Variants in HMGB1 observed in about 807,000 individuals in gnomAD.
HMGB1 encodes the protein high mobility group box 1.
For synonymous variants in HMGB1, 81 were observed against 84.0 expected, an observed-to-expected ratio of 0.96 and a Z score of 0.19; for missense variants, 79 against 253.5, an observed-to-expected ratio of 0.31 and a Z score of 4.67.
chr13:30,519,448 C>G (rs1238618297), intron 1 of HMGB1, among the ~76,000 whole-genome samples: 1 of 151,074 alleles, frequency 6.6e-6, no homozygotes, highest in East Asian at 2.0e-4. Context: ...GTAATCCCAG[C>G]ACTTTGGGAG....
intron 1 of HMGB1, among the ~76,000 whole-genome samples, chr13:30,567,536 G>A (rs1490879814): frequency 6.6e-6 from 1 of 151,994 alleles, no homozygotes; most frequent in Non-Finnish European, 1.5e-5. Flanking sequence ...ACTTTTAGTA[G>A]AGATGGGGTT....
At chr13:30,530,876 G>A (rs933984739) in intron 1 of HMGB1, among the ~76,000 whole-genome samples, 1 of 152,034 alleles carries the variant, frequency 6.6e-6, no homozygotes, top group Non-Finnish European at 1.5e-5. Context: ...ACGAAATCCT[G>A]TCTCTACAAA....
At chr13:30,489,968 C>T (rs922143529) in intron 1 of HMGB1, among the ~76,000 whole-genome samples, 5 of 149,684 alleles carry the variant, frequency 3.3e-5, no homozygotes, top group Non-Finnish European at 7.4e-5. Context: ...CCAAGTGATC[C>T]GCCTGCCCCG....
intron 1 of HMGB1, among the ~76,000 whole-genome samples, chr13:30,491,117 C>T (rs1199912549): frequency 3.3e-5 from 5 of 152,110 alleles, no homozygotes; most frequent in Non-Finnish European, 1.5e-5. Context: ...CAACCTCTGC[C>T]TCCCAGATTC....
intron 1 of HMGB1, among the ~76,000 whole-genome samples, chr13:30,574,722 G>C (rs1870573035): frequency 6.6e-6 from 1 of 152,162 alleles, no homozygotes; most frequent in Admixed American, 6.5e-5. Context: ...GTTATGGGTT[G>C]TGCCAAGATA....
At chr13:30,474,590 G>A (rs991495779) in intron 1 of HMGB1, among the ~76,000 whole-genome samples, 5 of 152,006 alleles carry the variant, frequency 3.3e-5, no homozygotes, top group Non-Finnish European at 4.4e-5. Flanking sequence ...CGTTTCATTC[G>A]GTCAAAGCGG....
intron 1 of HMGB1, among the ~76,000 whole-genome samples, chr13:30,499,750 A>G (rs1887693466): frequency 6.6e-6 from 1 of 152,246 alleles, no homozygotes; most frequent in African/African-American, 2.4e-5. Flanking sequence ...AAGTCAATCC[A>G]TTAGTTATAT....
intron 3 of HMGB1, 49 bp from the exon 4 acceptor site, chr13:30,462,761 C>T (rs771994119): frequency 2.1e-6 from 3 of 1,455,458 alleles, no homozygotes; most frequent in Non-Finnish European, 2.9e-6. Context: ...ATCACAAAAA[C>T]AAATACTATC....
rs1446371871 is a variant in HMGB1, at chr13:30,457,502, GAGC to G, written c.*3852_*3854del. 1.3e-5 allele frequency: 2 copies of G among 152,216 alleles called. No individual in the cohort carries two copies. Among genetic ancestry groups the G allele is most frequent in the African/African-American group, 4.8e-5 (2 of 41,448 alleles). The allele number at this position is 152,216 out of a possible 1,614,324, so 9.4% of individuals were successfully genotyped here. A position where few individuals can be genotyped will look rare whatever the true frequency, so the allele number is the denominator to read the frequency against. ...AGAAACTGAGGCGGGAGGATTGTTT[GAGC>G]AGATTTGGAGACCAACCTGGGCAAC... On this transcript the variant is annotated 3_prime_UTR_variant, in exon 5 of 5. Transcript: ENST00000341423.
chr13:30,604,255 A>G lies in HMGB1; in HGVS notation c.-15+12416T>C, dbSNP rs574770097. 4.6e-5 allele frequency among the ~76,000 whole-genome samples: 7 copies of G among 152,260 alleles called. No individual in the cohort carries two copies. The South Asian group carries it at 1.5e-3, about 32-fold the overall frequency. On this transcript the variant is annotated intron_variant, in intron 1 of 4. Coordinates refer to the HMGB1 transcript ENST00000405805. ...GGAAGCCACAGGAAGGTTGTGAAGA[A>G]AAGACAAGACATGATCTGATTCATG...
At chr13:30,596,641 T>G (rs957856406) in intron 1 of HMGB1, among the ~76,000 whole-genome samples, 2 of 152,246 alleles carry the variant, frequency 1.3e-5, no homozygotes. Context: ...AGGCACATTC[T>G]CTACAACTTT....
chr13:30,568,216 GA>G (rs1276728344), intron 1 of HMGB1, among the ~76,000 whole-genome samples: 1 of 152,112 alleles, frequency 6.6e-6, no homozygotes, highest in Non-Finnish European at 1.5e-5. Flanking sequence ...ACCTTATTTG[GA>G]AAAATGGGGC....
chr13:30,601,319 T>G (rs1950397962), intron 1 of HMGB1, among the ~76,000 whole-genome samples: 1 of 152,252 alleles, frequency 6.6e-6, no homozygotes, highest in Non-Finnish European at 1.5e-5. Flanking sequence ...ATAGCCATGT[T>G]GCTCACACAA....
At chr13:30,482,613 C>T (rs1335519043) in intron 1 of HMGB1, among the ~76,000 whole-genome samples, 2 of 152,206 alleles carry the variant, frequency 1.3e-5, no homozygotes, top group Admixed American at 6.5e-5. Flanking sequence ...GAAGCCAAGT[C>T]TGACTCGACA....
At chr13:30,507,692 C>T (rs892542551) in intron 1 of HMGB1, among the ~76,000 whole-genome samples, 3 of 152,170 alleles carry the variant, frequency 2.0e-5, no homozygotes, top group African/African-American at 7.2e-5. Context: ...GTTACCTACA[C>T]AGAAGACATC....
intron 1 of HMGB1, among the ~76,000 whole-genome samples, chr13:30,471,927 C>G (rs1027122766): frequency 2.9e-4 from 44 of 152,102 alleles, no homozygotes; most frequent in Non-Finnish European, 4.6e-4. Context: ...TAAGGCCTCC[C>G]AGAGTGCTGG....
rs141484915 is a variant in HMGB1, at chr13:30,502,648, A to ATTTTATTTAT, written c.-14-38955_-14-38954insATAAATAAAA. Among the ~76,000 whole-genome samples, 560 of 146,334 alleles carry ATTTTATTTAT rather than the reference A, an allele frequency of 3.8e-3. 3 individuals are homozygous for ATTTTATTTAT. The highest frequency in any genetic ancestry group is 0.013 in the African/African-American group (530 of 39,830). Reference sequence around the variant, plus strand: ...TGCAGATTTTACTTTACTTTATTTTATTTATTTTATTTTATTTTATTTTAT... The same window carrying ATTTTATTTAT: ...TGCAGATTTTACTTTACTTTATTTTATTTTATTTATTTTATTTTATTTTATTTTATTTTAT... On this transcript the variant is annotated intron_variant, in intron 1 of 4. Coordinates refer to the HMGB1 transcript ENST00000405805.
At chr13:30,523,037 C>T (rs940235047) in intron 1 of HMGB1, among the ~76,000 whole-genome samples, 4 of 152,216 alleles carry the variant, frequency 2.6e-5, no homozygotes, top group Admixed American at 2.6e-4. Flanking sequence ...ATTCTATAGC[C>T]TTGCCTTCAC....
intron 1 of HMGB1, among the ~76,000 whole-genome samples, chr13:30,485,947 CG>C (rs1887354855): frequency 6.6e-6 from 1 of 152,254 alleles, no homozygotes; most frequent in African/African-American, 2.4e-5. Flanking sequence ...GTGCCTTGCC[CG>C]GGGCCATACA....
Sources: allele counts gnomAD v4.1 joint callset (sites outside exome capture counted in the v4.1 genomes callset), GRCh38; gene constraint gnomAD v4.1.1; transcripts MANE v1.5; gene names NCBI Gene and HGNC (gene_info 2026-07-23, HGNC 2026-07-21).